The following SYN3 variants were observed in gnomAD, a reference collection of about 807,000 sequenced individuals.
SYN3 encodes the protein synapsin III.
In SYN3, 35 loss-of-function variants were observed where a neutral mutation model predicts 65.8. The ratio of observed to expected loss-of-function variants is 0.53; its 90% CI spans 0.41 to 0.70. The LOEUF is 0.70. Ranked by LOEUF, SYN3 falls within the 30% of genes least tolerant of loss-of-function variation. The pLI, the probability that SYN3 is intolerant of heterozygous loss-of-function variation, is 0.00. For missense variants in SYN3, 680 were observed against 749.0 expected, an observed-to-expected ratio of 0.91 and a Z score of 1.08; for synonymous variants, 270 against 292.9, an observed-to-expected ratio of 0.92 and a Z score of 0.80.
At chr22:32,766,672 C>T (rs1341467933) in intron 6 of SYN3, among the ~76,000 whole-genome samples, 1 of 152,198 alleles carries the variant, frequency 6.6e-6, no homozygotes, top group African/African-American at 2.4e-5. Flanking sequence ...TTCATCATGT[C>T]ACTGAGAACC....
intron 3 of SYN3, among the ~76,000 whole-genome samples, chr22:32,970,752 C>G (rs541334665): frequency 6.6e-6 from 1 of 152,178 alleles, no homozygotes; most frequent in South Asian, 2.1e-4. Context: ...GAAAACACCT[C>G]ATATGAATTT....
chr22:32,998,776 T>TAAAAAAA (rs34372968), intron 2 of SYN3, among the ~76,000 whole-genome samples: 34 of 81,990 alleles, frequency 4.1e-4, no homozygotes, highest in Middle Eastern at 6.8e-3. Flanking sequence ...ATAGAAATAG[T>TAAAAAAA]AAAAAAAAAA....
At chr22:32,885,989 A>T (rs2049277285) in intron 4 of SYN3, among the ~76,000 whole-genome samples, 1 of 152,216 alleles carries the variant, frequency 6.6e-6, no homozygotes, top group Admixed American at 6.5e-5. Flanking sequence ...GCCACCAAAC[A>T]GCTGAATAAA....
At chr22:32,714,059 ATGGTC>A (rs1362620897) in intron 6 of SYN3, among the ~76,000 whole-genome samples, 1 of 152,114 alleles carries the variant, frequency 6.6e-6, no homozygotes, top group Non-Finnish European at 1.5e-5. Flanking sequence ...GCTCAGGACA[ATGGTC>A]TCCTTGCAAG....
At chr22:32,935,275 C>G (rs2050738822) in intron 3 of SYN3, among the ~76,000 whole-genome samples, 1 of 144,692 alleles carries the variant, frequency 6.9e-6, no homozygotes, top group Admixed American at 7.1e-5. Flanking sequence ...GACTCATTCT[C>G]TCTCTCTCTT....
Position 33,006,734 on chromosome 22 carries a change from G to T in SYN3, c.-72C>A, listed in dbSNP as rs2053209735. The T allele has an allele frequency of 2.1e-6, 3 of 1,463,104 alleles. No individual in the cohort carries two copies. Among genetic ancestry groups the T allele is most frequent in the Non-Finnish European group, 2.8e-6 (3 of 1,086,572 alleles). 90.6% of individuals were successfully genotyped at this position (1,463,104 alleles called of 1,614,324 possible). ...GGTGAGGCCCAGAAGACAGGCTGCT[G>T]CCAGGTACAGGGAGTGGTAGGACTT... is the stretch of plus-strand genomic sequence containing the variant. On this transcript the variant is annotated 5_prime_UTR_variant, in exon 2 of 14. Transcript: ENST00000358763.
chr22:32,541,550 G>A (rs1243490162), intron 8 of SYN3, 21 bp downstream of exon 8: 5 of 1,613,716 alleles, frequency 3.1e-6, no homozygotes, highest in Non-Finnish European at 4.2e-6. Flanking sequence ...CACTCCCCCA[G>A]CCCCTGCCCC....
At chr22:33,029,983 T>G (rs954622516) in intron 1 of SYN3, among the ~76,000 whole-genome samples, 4 of 152,154 alleles carry the variant, frequency 2.6e-5, no homozygotes, top group African/African-American at 7.2e-5. Flanking sequence ...TTTCTTCAGT[T>G]GGCTGTTTTT....
intron 6 of SYN3, among the ~76,000 whole-genome samples, chr22:32,598,005 T>C (rs1174422460): frequency 6.6e-6 from 1 of 152,218 alleles, no homozygotes; most frequent in Non-Finnish European, 1.5e-5. Flanking sequence ...GTTTTCTTGA[T>C]TTCTAGAAGA....
chr22:32,854,907 A>G (rs750367338), intron 6 of SYN3, among the ~76,000 whole-genome samples: 2 of 152,200 alleles, frequency 1.3e-5, no homozygotes, highest in African/African-American at 4.8e-5. Flanking sequence ...AAGTTATGCT[A>G]TGAAGGTCTT....
chr22:32,798,194 A>C (rs1602171813), intron 6 of SYN3, among the ~76,000 whole-genome samples: 1 of 152,316 alleles, frequency 6.6e-6, no homozygotes, highest in East Asian at 1.9e-4. Context: ...GATTATTATC[A>C]TGGTAGAGAA....
At chr22:32,828,666 G>A (rs1166779509) in intron 6 of SYN3, among the ~76,000 whole-genome samples, 1 of 152,302 alleles carries the variant, frequency 6.6e-6, no homozygotes, top group East Asian at 1.9e-4. Flanking sequence ...AGTGGTCCAG[G>A]CAGTTAGAAC....
At chr22:32,820,963 T>A (rs773665882) in intron 6 of SYN3, among the ~76,000 whole-genome samples, 1 of 152,132 alleles carries the variant, frequency 6.6e-6, no homozygotes, top group Non-Finnish European at 1.5e-5. Context: ...GGCTTCAAGG[T>A]CTCTGAGCCA....
chr22:32,928,741 G>A (rs2050546176), intron 4 of SYN3, among the ~76,000 whole-genome samples: 1 of 152,072 alleles, frequency 6.6e-6, no homozygotes, highest in South Asian at 2.1e-4. Flanking sequence ...TTCAAATACT[G>A]TCTCTGCTCT....
At chr22:32,750,053 G>T (rs1462473956) in intron 6 of SYN3, among the ~76,000 whole-genome samples, 2 of 152,194 alleles carry the variant, frequency 1.3e-5, no homozygotes, top group African/African-American at 4.8e-5. Context: ...CATTCTGTAA[G>T]CACCTACTAA....
At chr22:32,834,325 T>TA (rs1569262066) in intron 6 of SYN3, among the ~76,000 whole-genome samples, 3 of 143,184 alleles carry the variant, frequency 2.1e-5, no homozygotes, top group African/African-American at 7.4e-5. Context: ...GCTAATTTAT[T>TA]TTTTTTTTTG....
At chr22:32,980,849 T>C in intron 2 of SYN3, 147 bp from the exon 3 acceptor site, 1 of 659,174 alleles carries the variant, frequency 1.5e-6, no homozygotes, top group South Asian at 1.8e-5. Context: ...ACTGATTTTC[T>C]CAGTCTTTTT....
intron 6 of SYN3, among the ~76,000 whole-genome samples, chr22:32,863,586 G>T (rs1569285705): frequency 1.3e-5 from 2 of 152,144 alleles, no homozygotes; most frequent in Non-Finnish European, 2.9e-5. Flanking sequence ...TCAATGGGCT[G>T]GGCTGGCTGC....
chr22:32,738,190 G>T (rs1446686923), intron 6 of SYN3, among the ~76,000 whole-genome samples: 1 of 151,586 alleles, frequency 6.6e-6, no homozygotes, highest in East Asian at 2.0e-4. Context: ...CAGATGTGTG[G>T]TTTCAAGAGG....
Sources: gnomAD v4.1 joint callset for allele counts (sites outside exome capture counted in the v4.1 genomes callset) on GRCh38, gnomAD v4.1.1 for gene constraint, MANE v1.5 for transcripts, NCBI Gene and HGNC (gene_info 2026-07-23, HGNC 2026-07-21) for gene names.